Variants in MITD1 observed in about 807,000 individuals in gnomAD.
MITD1 encodes MIT domain-containing protein 1.
MITD1 carries 24 observed loss-of-function variants against 34.9 expected under a neutral mutation model. That is an observed-to-expected ratio of 0.69 (90% CI 0.50 to 0.97). The LOEUF is 0.97. Ranked by LOEUF, MITD1 falls within the 50% of genes least tolerant of loss-of-function variation. The pLI is 0.00. For synonymous variants in MITD1, 102 were observed against 101.4 expected, an observed-to-expected ratio of 1.01 and a Z score of -0.04; for missense variants, 266 against 294.6, an observed-to-expected ratio of 0.90 and a Z score of 0.71.
intron 2 of MITD1, chr2:99,173,611 T>G (rs1276413470): frequency 2.1e-6 from 1 of 466,802 alleles, no homozygotes; most frequent in Non-Finnish European, 4.1e-6. Context: ...ATAAGCTTCA[T>G]AGGGATTTGT....
intron 7 of MITD1, chr2:99,162,230 A>C (rs1258093980): frequency 6.2e-7 from 1 of 1,613,996 alleles, no homozygotes; most frequent in Non-Finnish European, 8.5e-7. Flanking sequence ...TAATGAGAGA[A>C]GAAGGTATAA....
intron 1 of MITD1, among the ~76,000 whole-genome samples, chr2:99,175,695 A>T (rs1039449850): frequency 6.6e-6 from 1 of 152,316 alleles, no homozygotes; most frequent in Non-Finnish European, 1.5e-5. Context: ...TGCAACAACT[A>T]TGACTGTGAT....
chr2:99,169,569 TC>T lies in MITD1; in HGVS notation c.634del (p.Asp212IlefsTer19). 6.2e-7 allele frequency: 1 copy of T among 1,609,708 alleles called. No homozygotes were observed. Among genetic ancestry groups the T allele is most frequent in the Non-Finnish European group, 8.5e-7 (1 of 1,176,138 alleles). ...TCCTACCTGTGGTTTCTTAAAATAA[TC>T]AAGTCCCCTTCCAATCTTAATCATC... ...GWMIKIGRGL[D>X]YFKKPQSRFS... is the part of the protein sequence containing the mutation. On this transcript the variant is annotated frameshift_variant, in exon 6 of 7. Coordinates refer to ENST00000289359, the MANE Select transcript of MITD1 (RefSeq NM_138798.3). LOFTEE classifies it high-confidence loss of function.
chr2:99,168,107 C>G (rs2093835265), downstream of MITD1, among the ~76,000 whole-genome samples: 1 of 152,094 alleles, frequency 6.6e-6, no homozygotes, highest in African/African-American at 2.4e-5. Flanking sequence ...TAGTTTTCCT[C>G]TTACATATGT....
Position 99,180,976 on chromosome 2 carries a change from C to A in MITD1, c.6G>T (p.Ala2=). ...GCGGGTCCTGCCTCAGCCCGGACTT[C>A]GCCATAATTCTGGAAGTTCTCCTCC... The part of the protein sequence containing the change: M[A]KSGLRQDPQS... The change falls in exon 1 of 7, where the codon GCG becomes GCT. Residue 2 remains alanine, a synonymous_variant. Transcript: ENST00000289359. The A allele has an allele frequency of 1.2e-6, 2 of 1,613,240 alleles. No individual in the cohort carries two copies. The highest frequency in any genetic ancestry group is 1.7e-6 in the Non-Finnish European group (2 of 1,179,516).
intron 2 of MITD1, chr2:99,172,023 T>C (rs2093860933): frequency 5.8e-6 from 1 of 172,512 alleles, no homozygotes; most frequent in Admixed American, 5.7e-5. Flanking sequence ...TGAAACTCAG[T>C]GGCTATCTGG....
chr2:99,171,916 T>G, intron 2 of MITD1: 1 of 381,516 alleles, frequency 2.6e-6, no homozygotes, highest in Non-Finnish European at 4.8e-6. Flanking sequence ...AACAGGTCCT[T>G]GAGCAAGATC....
intron 1 of MITD1, 26 bp from the exon 2 acceptor site, chr2:99,174,042 C>G: frequency 9.0e-7 from 1 of 1,116,548 alleles, no homozygotes; most frequent in Non-Finnish European, 1.3e-6. Context: ...TATATATTAT[C>G]AAGTATCAAA....
At chr2:99,171,759 A>T (rs2093859665) in intron 2 of MITD1, 113 bp from the exon 3 acceptor site, 3 of 978,260 alleles carry the variant, frequency 3.1e-6, no homozygotes, top group Non-Finnish European at 4.5e-6. Context: ...TTTTTAACTT[A>T]TTCAGCAAAT....
chr2:99,162,626 C>T, intron 7 of MITD1: 1 of 1,614,064 alleles, frequency 6.2e-7, no homozygotes, highest in Non-Finnish European at 8.5e-7. Context: ...CCACTCTGAC[C>T]TGTGAAGTAC....
downstream of MITD1, among the ~76,000 whole-genome samples, chr2:99,168,069 C>T (rs772775697): frequency 6.6e-6 from 1 of 152,208 alleles, no homozygotes; most frequent in Non-Finnish European, 1.5e-5. Context: ...TTTATATGTG[C>T]ACTCTCCAAT....
At chr2:99,170,091 A>T (rs929071819) in intron 5 of MITD1, among the ~76,000 whole-genome samples, 17 of 152,360 alleles carry the variant, frequency 1.1e-4, no homozygotes, top group African/African-American at 4.1e-4. Flanking sequence ...CAAAAGGAAG[A>T]TATCACTAAA....
downstream of MITD1, among the ~76,000 whole-genome samples, chr2:99,167,188 T>C (rs926445424): frequency 9.2e-5 from 14 of 152,282 alleles, no homozygotes; most frequent in African/African-American, 3.4e-4. Context: ...TTATTGTAGC[T>C]ATGTCTTTAT....
At chr2:99,170,375 GT>G (rs915669555) in intron 5 of MITD1, among the ~76,000 whole-genome samples, 161 bp downstream of exon 5, 1 of 151,358 alleles carries the variant, frequency 6.6e-6, no homozygotes, top group African/African-American at 2.4e-5. Flanking sequence ...AAAGCCAAGT[GT>G]TTTTTTTCTT....
At chr2:99,177,850 T>C (rs1289054257) in intron 1 of MITD1, among the ~76,000 whole-genome samples, 1 of 152,154 alleles carries the variant, frequency 6.6e-6, no homozygotes, top group Non-Finnish European at 1.5e-5. Context: ...CCATTCCTCC[T>C]ACCCACTGCC....
intron 1 of MITD1, among the ~76,000 whole-genome samples, chr2:99,178,964 C>G (rs978489950): frequency 6.6e-6 from 1 of 152,200 alleles, no homozygotes; most frequent in African/African-American, 2.4e-5. Flanking sequence ...AGATGAATTT[C>G]TGACTTCTGA....
chr2:99,177,752 C>T (rs2105229513), intron 1 of MITD1, among the ~76,000 whole-genome samples: 1 of 152,224 alleles, frequency 6.6e-6, no homozygotes, highest in South Asian at 2.1e-4. Flanking sequence ...ATCCACCCAC[C>T]TCAGTCTCCC....
chr2:99,175,870 G>A lies in MITD1; in HGVS notation c.152-1854C>T, dbSNP rs182534287. ...GCTTTGGCTTTGACATCTCCTTCAT[G>A]TTAGTTCCTGTGTCCTTTTGTCAAG... is the stretch of plus-strand genomic sequence containing the variant. On this transcript the variant is annotated intron_variant, in intron 1 of 6. Coordinates refer to ENST00000289359, the MANE Select transcript of MITD1 (RefSeq NM_138798.3). Among the ~76,000 whole-genome samples, 95 of 152,250 alleles carry A rather than the reference G, an allele frequency of 6.2e-4. 1 individual carries two copies. The highest frequency in any genetic ancestry group is 8.8e-5 in the Non-Finnish European group (6 of 68,008).
intron 1 of MITD1, among the ~76,000 whole-genome samples, chr2:99,180,313 A>G (rs1325528800): frequency 6.6e-6 from 1 of 152,240 alleles, no homozygotes; most frequent in East Asian, 1.9e-4. Context: ...CGAAATTTTT[A>G]AAATTAGCAT....
Sources: allele counts gnomAD v4.1 joint callset (sites outside exome capture counted in the v4.1 genomes callset), GRCh38; gene constraint gnomAD v4.1.1; transcripts MANE v1.5; gene names NCBI Gene and HGNC (gene_info 2026-07-23, HGNC 2026-07-21).